Variants in ARHGAP29 observed in about 807,000 individuals in gnomAD.
The protein encoded by ARHGAP29 is rho GTPase-activating protein 29.
A neutral mutation model predicts 122.6 loss-of-function variants in ARHGAP29; 43 were observed. The ratio of observed to expected loss-of-function variants is 0.35; its 90% CI spans 0.27 to 0.45. The LOEUF (loss-of-function observed/expected upper bound fraction) is 0.45. ARHGAP29 is among the 20% of genes least tolerant of loss of function. The probability of loss-of-function intolerance (pLI) is 1.00; values close to 1 mark genes in which losing one functional copy is unlikely to be tolerated. For synonymous variants in ARHGAP29, 506 were observed against 497.1 expected (o/e 1.02, Z -0.24); for missense variants, 1,303 against 1,477.2 (o/e 0.88, Z 1.93).
intron 1 of ARHGAP29, chr1:94,248,107 C>T (rs1383623883): frequency 1.3e-5 from 2 of 152,352 alleles, no homozygotes; most frequent in East Asian, 3.9e-4. Context: ...CGTCTTCCTC[C>T]ACCCTTCTTC....
intron 3 of ARHGAP29, among the ~76,000 whole-genome samples, chr1:94,214,962 T>C (rs1032721545): frequency 1.3e-5 from 2 of 152,016 alleles, no homozygotes; most frequent in African/African-American, 4.8e-5. Context: ...ATGTAATGAG[T>C]GTTGCTTCTG....
In ARHGAP29 at chr1:94,205,178, G is replaced by C. The variant is rs1355757280; in HGVS notation, c.580C>G (p.Leu194Val). 1 of 1,587,630 alleles carries C rather than the reference G, an allele frequency of 6.3e-7. No individual in the cohort carries two copies. The highest frequency in any genetic ancestry group is 1.4e-5 in the African/African-American group (1 of 73,314). ...GTGTTCTTTAACAGCACGTTGTCTAGTTCTAAAGGGGAAAAATTTCCTGAA... is the reference window on the plus strand; with the variant it reads ...GTGTTCTTTAACAGCACGTTGTCTACTTCTAAAGGGGAAAAATTTCCTGAA... ...SEKGNFSPLE[L>V]DNVLLKNTDS... The change falls in exon 7 of 23, where the codon CTA (leucine) becomes GTA (valine). Residue 194 changes from leucine (L) to valine (V), a missense_variant. By Grantham distance (32) the Leu-to-Val change is conservative. This residue lies in a region of ARHGAP29 where 592 missense variants were observed against 648.2 expected (regional missense o/e 0.91). Transcript: ENST00000260526.
the ARHGAP29 span, among the ~76,000 whole-genome samples, chr1:94,306,466 G>A: frequency 6.6e-6 from 1 of 152,220 alleles, no homozygotes; most frequent in Non-Finnish European, 1.5e-5. Context: ...AACATTAGCA[G>A]ACTGTTATAT....
chr1:94,305,296 G>T, the ARHGAP29 span, among the ~76,000 whole-genome samples: 1 of 152,194 alleles, frequency 6.6e-6, no homozygotes, highest in African/African-American at 2.4e-5. Context: ...GCTCTTGTGT[G>T]CCAATCCTGA....
chr1:94,214,421 G>T (rs565702844), intron 3 of ARHGAP29, among the ~76,000 whole-genome samples: 6 of 152,228 alleles, frequency 3.9e-5, no homozygotes, highest in African/African-American at 1.4e-4. Context: ...TACCTGTCTA[G>T]TTTTAACCTC....
At chr1:94,275,957 T>TA (rs60193789), upstream of ARHGAP29, among the ~76,000 whole-genome samples, 13,795 of 148,462 alleles carry the variant, frequency 0.093, 671 homozygotes, top group South Asian at 0.13. Flanking sequence ...TTTTCAACCT[T>TA]AAAAAAAAAA....
chr1:94,174,114 C>T lies in ARHGAP29; in HGVS notation c.3541G>A (p.Glu1181Lys). The T allele has an allele frequency of 6.2e-7, 1 of 1,614,140 alleles. No individual in the cohort carries two copies. The highest frequency in any genetic ancestry group is 8.5e-7 in the Non-Finnish European group (1 of 1,180,016). The change falls in exon 23 of 23, where the codon GAG becomes AAG. Residue 1181 changes from glutamate (E) to lysine (K), a missense_variant. Around this residue, in one of 3 missense-constraint regions of ARHGAP29, gnomAD observed 620 missense variants for 651.2 expected, o/e 0.95. Coordinates refer to ENST00000260526, the MANE Select transcript of ARHGAP29 (RefSeq NM_004815.4). Reference protein sequence around the residue: ...APIISIRGNEEKPASPSAAVP... With the variant: ...APIISIRGNEKKPASPSAAVP... ...GCTGCTGAGGGTGAAGCTGGCTTCTCCTCATTCCCCCTGATACTGATGATG... is the reference window on the plus strand; with the variant it reads ...GCTGCTGAGGGTGAAGCTGGCTTCTTCTCATTCCCCCTGATACTGATGATG...
chr1:94,232,556 T>A lies in ARHGAP29; in HGVS notation c.-32-913A>T, dbSNP rs534388797. Among the ~76,000 whole-genome samples, 4 of 152,300 alleles carry A rather than the reference T, an allele frequency of 2.6e-5. No homozygotes were observed. The East Asian group carries it at 7.7e-4, about 29-fold the overall frequency. ...AGGTAATCTTTTGGTATGAGAAGAA[T>A]TTAGATTTGAATCCTGGCTCTAGTA... On this transcript the variant is annotated intron_variant, in intron 1 of 22. Coordinates refer to ENST00000260526, the MANE Select transcript of ARHGAP29 (RefSeq NM_004815.4).
rs1247798960 is a variant in ARHGAP29 at position 94,171,072 on chromosome 1, T to C, written c.*2797A>G. On this transcript the variant is annotated 3_prime_UTR_variant, in exon 23 of 23. Transcript: ENST00000260526. ...GAAAGAAAAACCCACAGAATTCCACTGACTATAAGTTATTTAACAATATAC... is the reference window on the plus strand; with the variant it reads ...GAAAGAAAAACCCACAGAATTCCACCGACTATAAGTTATTTAACAATATAC... 2.6e-5 allele frequency among the ~76,000 whole-genome samples: 4 copies of C among 152,200 alleles called. No homozygotes were observed. Among genetic ancestry groups the C allele is most frequent in the African/African-American group, 9.6e-5 (4 of 41,452 alleles).
chr1:94,306,486 A>C, the ARHGAP29 span, among the ~76,000 whole-genome samples: 1 of 152,214 alleles, frequency 6.6e-6, no homozygotes, highest in Admixed American at 6.5e-5. Flanking sequence ...TTTCATCTGA[A>C]TTTTAGGTCT....
chr1:94,243,392 AAGAT>A (rs1248138208), intron 1 of ARHGAP29, among the ~76,000 whole-genome samples: 13 of 152,086 alleles, frequency 8.5e-5, no homozygotes, highest in Admixed American at 8.5e-4. Flanking sequence ...TAGTAACAGA[AAGAT>A]AGTCAGGAAA....
chr1:94,255,230 G>A, intron 1 of ARHGAP29, among the ~76,000 whole-genome samples: 1 of 152,174 alleles, frequency 6.6e-6, no homozygotes, highest in East Asian at 1.9e-4. Context: ...GAGGTGATTA[G>A]GATGCCAACA....
intron 1 of ARHGAP29, among the ~76,000 whole-genome samples, chr1:94,274,040 G>A (rs895476311): frequency 1.3e-5 from 2 of 152,158 alleles, no homozygotes; most frequent in African/African-American, 4.8e-5. Context: ...GTAAGACAGG[G>A]TGTCATTATT....
chr1:94,231,237 T>C (rs367957742), intron 2 of ARHGAP29, among the ~76,000 whole-genome samples, 170 bp downstream of exon 2: 2 of 152,198 alleles, frequency 1.3e-5, no homozygotes, highest in Middle Eastern at 3.4e-3. Context: ...CACTATTATC[T>C]GATTATAAAA....
chr1:94,273,794 C>A (rs1655084130), intron 1 of ARHGAP29, among the ~76,000 whole-genome samples: 1 of 149,894 alleles, frequency 6.7e-6, no homozygotes, highest in Non-Finnish European at 1.5e-5. Flanking sequence ...GTCACCAAAA[C>A]CTGATTGAAC....
chr1:94,252,397 A>G (rs1199408123), intron 1 of ARHGAP29, among the ~76,000 whole-genome samples: 2 of 152,214 alleles, frequency 1.3e-5, no homozygotes, highest in African/African-American at 4.8e-5. Flanking sequence ...GCCTCTGGTC[A>G]TTTGCCTCTG....
At chr1:94,176,149 C>T (rs919620091) in intron 22 of ARHGAP29, among the ~76,000 whole-genome samples, 1 of 152,210 alleles carries the variant, frequency 6.6e-6, no homozygotes, top group Non-Finnish European at 1.5e-5. Context: ...GAGAAGAGCA[C>T]AGACTCTGAA....
chr1:94,214,363 A>G (rs952896201), intron 3 of ARHGAP29, among the ~76,000 whole-genome samples: 1 of 152,156 alleles, frequency 6.6e-6, no homozygotes. Context: ...CACTATCCCT[A>G]CAGAATCTCA....
At chr1:94,311,143 C>T in the ARHGAP29 span, among the ~76,000 whole-genome samples, 1 of 152,180 alleles carries the variant, frequency 6.6e-6, no homozygotes, top group Non-Finnish European at 1.5e-5. Context: ...AGAGAAGCCT[C>T]TCTTGGAGAG....
Sources: allele counts gnomAD v4.1 joint callset (sites outside exome capture counted in the v4.1 genomes callset), GRCh38; gene constraint gnomAD v4.1.1; regional missense constraint gnomAD v4.1.1; transcripts MANE v1.5; gene names NCBI Gene and HGNC (gene_info 2026-07-23, HGNC 2026-07-21).